ARHGEF26: variants seen among roughly 807,000 people sequenced by gnomAD.
The protein encoded by ARHGEF26 is Rho guanine nucleotide exchange factor (GEF) 26.
A neutral mutation model predicts 89.4 loss-of-function variants in ARHGEF26; 59 were observed. The ratio of observed to expected loss-of-function variants is 0.66; its 90% CI spans 0.54 to 0.82. The LOEUF is 0.82. Among genes scored for constraint, ARHGEF26 ranks in the 40% least tolerant of loss-of-function variants. ARHGEF26 has a pLI of 0.00. For synonymous variants in ARHGEF26, 500 were observed against 428.4 expected (o/e 1.17, Z -2.06); for missense variants, 1,234 against 1,085.6 (o/e 1.14, Z -1.92).
At chr3:154,238,684 G>T (rs892790080) in intron 11 of ARHGEF26, among the ~76,000 whole-genome samples, 14 of 152,096 alleles carry the variant, frequency 9.2e-5, no homozygotes, top group African/African-American at 3.1e-4. Context: ...GCGTATATTA[G>T]AATTTATTGC....
intron 7 of ARHGEF26, among the ~76,000 whole-genome samples, 200 bp downstream of exon 7, chr3:154,188,037 C>T (rs983189932): frequency 6.6e-6 from 1 of 152,080 alleles, no homozygotes; most frequent in South Asian, 2.1e-4. Flanking sequence ...AGAATTTTCT[C>T]TCTTACGAAA....
intron 9 of ARHGEF26, among the ~76,000 whole-genome samples, chr3:154,202,839 C>T (rs911775541): frequency 4.6e-5 from 7 of 150,940 alleles, no homozygotes; most frequent in African/African-American, 7.3e-5. Context: ...GATTTTTGCA[C>T]ATTGATTTTG....
In ARHGEF26 at chr3:154,123,113, G is replaced by A. The variant is rs370272247; in HGVS notation, c.1083+38G>A. 3.8e-5 allele frequency: 61 copies of A among 1,608,122 alleles called. No homozygotes were observed. In the East Asian group the frequency reaches 4.2e-4, roughly 11 times the overall value. ...AGGAGTGTGGCACGCCATTCACTAA[G>A]CGGAAAGTAAATGTGTTGGGAGTGG... is the stretch of plus-strand genomic sequence containing the variant. On this transcript the variant is annotated intron_variant, in intron 2 of 14. Transcript: ENST00000465093.
intron 3 of ARHGEF26, among the ~76,000 whole-genome samples, chr3:154,125,116 G>C (rs1012402338): frequency 6.6e-6 from 1 of 152,154 alleles, no homozygotes; most frequent in African/African-American, 2.4e-5. Context: ...TGTTGGGCTA[G>C]AGGGTCATGG....
chr3:154,184,463 C>G (rs1263680149), intron 6 of ARHGEF26, among the ~76,000 whole-genome samples: 1 of 152,174 alleles, frequency 6.6e-6, no homozygotes, highest in Non-Finnish European at 1.5e-5. Flanking sequence ...ATCTCCAAGG[C>G]AAAATTAAAT....
intron 12 of ARHGEF26, among the ~76,000 whole-genome samples, chr3:154,250,375 G>C (rs902079258): frequency 2.0e-5 from 3 of 151,268 alleles, no homozygotes; most frequent in Admixed American, 2.0e-4. Context: ...GGATTTGACA[G>C]CATCTAAGAG....
At chr3:154,245,832 T>A (rs1717772513) in intron 12 of ARHGEF26, among the ~76,000 whole-genome samples, 1 of 152,194 alleles carries the variant, frequency 6.6e-6, no homozygotes. Context: ...CAAGTGTTAT[T>A]CTCAGTGCTG....
intron 8 of ARHGEF26, 53 bp downstream of exon 8, chr3:154,191,471 C>A: frequency 1.3e-6 from 2 of 1,559,114 alleles, no homozygotes; most frequent in East Asian, 2.3e-5. Context: ...TTCTCTAAAT[C>A]TGATTTAGAA....
intron 9 of ARHGEF26, 78 bp downstream of exon 9, chr3:154,194,796 A>G: frequency 7.8e-7 from 1 of 1,288,382 alleles, no homozygotes; most frequent in African/African-American, 1.5e-5. Flanking sequence ...TCTTGGCTTG[A>G]TGCTGAAAAC....
intron 6 of ARHGEF26, among the ~76,000 whole-genome samples, chr3:154,174,820 A>T (rs191468907): frequency 1.0e-3 from 158 of 151,374 alleles, no homozygotes; most frequent in African/African-American, 3.7e-3. Flanking sequence ...ATACATACTC[A>T]TTTTTTTTTC....
chr3:154,207,863 T>C (rs1449203775), intron 9 of ARHGEF26, among the ~76,000 whole-genome samples: 2 of 152,150 alleles, frequency 1.3e-5, no homozygotes, highest in Non-Finnish European at 2.9e-5. Flanking sequence ...CCATCAGTGA[T>C]AGACTGGATA....
At chr3:154,132,934 G>A (rs1718777323) in intron 4 of ARHGEF26, among the ~76,000 whole-genome samples, 1 of 152,036 alleles carries the variant, frequency 6.6e-6, no homozygotes, top group African/African-American at 2.4e-5. Flanking sequence ...GGGGTTTTCT[G>A]GCAGTGGGTT....
rs192594638 is a variant in ARHGEF26, at chr3:154,237,618, C to A, written c.2091-2752C>A. On this transcript the variant is annotated intron_variant, in intron 11 of 14. Transcript: ENST00000465093. ...TAGCTTATATTCATTTTCTGTGAAC[C>A]CTTGGTTTTGAATTCTATTGGGATG... Among the ~76,000 whole-genome samples the A allele has an allele frequency of 9.2e-4, 140 of 151,604 alleles. 1 individual carries two copies. The South Asian group carries it at 0.012, about 13-fold the overall frequency.
chr3:154,202,044 A>G (rs895877653), intron 9 of ARHGEF26, among the ~76,000 whole-genome samples: 6 of 152,226 alleles, frequency 3.9e-5, no homozygotes, highest in Admixed American at 3.3e-4. Context: ...TTTTGTTGCC[A>G]TTTGTTTTGG....
At chr3:154,150,797 A>G (rs1719975880) in intron 5 of ARHGEF26, among the ~76,000 whole-genome samples, 1 of 152,150 alleles carries the variant, frequency 6.6e-6, no homozygotes, top group Non-Finnish European at 1.5e-5. Flanking sequence ...GCCTATTTCT[A>G]TCATATTCTG....
In ARHGEF26 at chr3:154,212,007, G is replaced by A. The variant is rs563526783; in HGVS notation, c.1846-5862G>A. On this transcript the variant is annotated intron_variant, in intron 9 of 14. Coordinates refer to ENST00000465093, the MANE Select transcript of ARHGEF26 (RefSeq NM_015595.4). ...AAGTAATAAGGCTAAGTACAGCTCTGTAAGAACGTATTTAAGTTGACATTG... is the reference window on the plus strand; with the variant it reads ...AAGTAATAAGGCTAAGTACAGCTCTATAAGAACGTATTTAAGTTGACATTG... Among the ~76,000 whole-genome samples, 11 of 152,170 alleles carry A rather than the reference G, an allele frequency of 7.2e-5. No homozygotes were observed. In the South Asian group the frequency reaches 1.9e-3, roughly 26 times the overall value.
Position 154,121,633 on chromosome 3 carries a change from ACT to A in ARHGEF26, c.-52+116_-52+117del, listed in dbSNP as rs768461961. ...GCGGCGAGTTTCCCAAGAAAGCTGA[ACT>A]CGTCCCAAGTTTCTTGTGCCTCGGC... On this transcript the variant is annotated intron_variant, in intron 1 of 14. Transcript: ENST00000465093. 1.6e-4 allele frequency: 39 copies of A among 246,124 alleles called. 1 individual carries two copies. In the East Asian group the frequency reaches 2.4e-3, roughly 15 times the overall value. 15.2% of individuals were successfully genotyped at this position (246,124 alleles called of 1,614,324 possible).
Position 154,256,198 on chromosome 3 carries a change from G to A in ARHGEF26, c.*725G>A. On this transcript the variant is annotated 3_prime_UTR_variant, in exon 15 of 15. Transcript: ENST00000465093. ...CTTTAACAACGTAGAATTTAGATGG[G>A]TTCATATATGTGAGAAAAACCTGAA... 2 of 985,656 alleles carry A rather than the reference G, an allele frequency of 2.0e-6. No individual in the cohort carries two copies. Among genetic ancestry groups the A allele is most frequent in the Non-Finnish European group, 1.2e-6 (1 of 829,998 alleles). 61.1% of individuals were successfully genotyped at this position (985,656 alleles called of 1,614,324 possible).
chr3:154,147,404 C>T (rs1470664), intron 4 of ARHGEF26, among the ~76,000 whole-genome samples: 134,224 of 152,198 alleles, frequency 0.88, 59,280 homozygotes, highest in East Asian at 1. Context: ...GAGTGAGACT[C>T]TATCTCAATA....
Sources: gnomAD v4.1 joint callset for allele counts (sites outside exome capture counted in the v4.1 genomes callset) on GRCh38, gnomAD v4.1.1 for gene constraint, MANE v1.5 for transcripts, NCBI Gene and HGNC (gene_info 2026-07-23, HGNC 2026-07-21) for gene names.